The following PITPNM2 variants were observed in gnomAD, a reference collection of about 807,000 sequenced individuals.
The protein encoded by PITPNM2 is phosphatidylinositol transfer protein membrane associated 2.
In PITPNM2, 35 loss-of-function variants were observed where a neutral mutation model predicts 132.2. The ratio of observed to expected loss-of-function variants is 0.26; its 90% CI spans 0.20 to 0.35. The LOEUF is 0.35. Among genes scored for constraint, PITPNM2 ranks in the 10% least tolerant of loss-of-function variants. PITPNM2 has a pLI of 1.00. For synonymous variants in PITPNM2, 738 were observed against 799.2 expected, an observed-to-expected ratio of 0.92 and a Z score of 1.29; for missense variants, 1,332 against 1,912.0, an observed-to-expected ratio of 0.70 and a Z score of 5.66.
chr12:123,015,302 CA>C (rs1389789488), intron 3 of PITPNM2, among the ~76,000 whole-genome samples: 1 of 152,108 alleles, frequency 6.6e-6, no homozygotes, highest in Non-Finnish European at 1.5e-5. Context: ...TACAAAACTA[CA>C]GTAATCAAAA....
chr12:123,044,478 C>A (rs1013435841), intron 2 of PITPNM2, among the ~76,000 whole-genome samples: 1 of 152,250 alleles, frequency 6.6e-6, no homozygotes, highest in African/African-American at 2.4e-5. Flanking sequence ...TCAGCTCAAT[C>A]AATTCTCCAG....
Position 122,990,661 on chromosome 12 carries a change from G to T in PITPNM2, c.2453C>A (p.Pro818His). Residue 818 changes from proline (P) to histidine (H), a missense_variant, in exon 17 of 26, where the codon CCC (proline) becomes CAC (histidine). By Grantham distance (77) the Pro-to-His change is moderately conservative (BLOSUM62 -2). Coordinates refer to ENST00000320201, the MANE Select transcript of PITPNM2 (RefSeq NM_020845.3). ...GGCAGGGGCAGTGCCCGGCGAGGAGGGGGCGCCATGCTCTTGGAAGGCTGC... is the reference window on the plus strand; with the variant it reads ...GGCAGGGGCAGTGCCCGGCGAGGAGTGGGCGCCATGCTCTTGGAAGGCTGC... Reference protein sequence around the residue: ...HNAAFQEHGAPSSPGTAPASR... With the variant: ...HNAAFQEHGAHSSPGTAPASR... The T allele has an allele frequency of 6.2e-7, 1 of 1,611,862 alleles. No individual in the cohort carries two copies.
rs1180618419 is a variant in PITPNM2 at position 123,022,227 on chromosome 12, T to C, written c.79-8185A>G. 2.6e-5 allele frequency among the ~76,000 whole-genome samples: 4 copies of C among 152,190 alleles called. No individual in the cohort carries two copies. Among genetic ancestry groups the C allele is most frequent in the Non-Finnish European group, 5.9e-5 (4 of 68,030 alleles). On this transcript the variant is annotated intron_variant, in intron 3 of 25. Coordinates refer to ENST00000320201, the MANE Select transcript of PITPNM2 (RefSeq NM_020845.3). This position sits in a 1 kb window ranked among gnomAD's most constrained non-coding sequence, Gnocchi z 4.9. ...TTTCTGGTCCTGGATCAGCCATTGATGTCAGCACTTGGGCTAAAAGGACAG... is the reference window on the plus strand; with the variant it reads ...TTTCTGGTCCTGGATCAGCCATTGACGTCAGCACTTGGGCTAAAAGGACAG...
Position 123,004,859 on chromosome 12 carries a change from G to A in PITPNM2, c.953-370C>T, listed in dbSNP as rs1374019140. ...AGCAGGGCCCAGGCGGGAGATGAGT[G>A]AGCCAGGCCTGCCTGCTGGAGAAGC... is the stretch of plus-strand genomic sequence containing the variant. On this transcript the variant is annotated intron_variant, in intron 7 of 25. Coordinates refer to ENST00000320201, the MANE Select transcript of PITPNM2 (RefSeq NM_020845.3). This position sits in a 1 kb window ranked among gnomAD's most constrained non-coding sequence, Gnocchi z 4.9. 6.6e-6 allele frequency among the ~76,000 whole-genome samples: 1 copy of A among 151,980 alleles called. No individual in the cohort carries two copies. Among genetic ancestry groups the A allele is most frequent in the Non-Finnish European group, 1.5e-5 (1 of 67,958 alleles).
Position 123,000,292 on chromosome 12 carries a change from G to A in PITPNM2, c.1224+486C>T, listed in dbSNP as rs2038602541. 4.7e-6 allele frequency: 3 copies of A among 644,586 alleles called. No individual in the cohort carries two copies. The highest frequency in any genetic ancestry group is 8.4e-6 in the Non-Finnish European group (3 of 357,304). 39.9% of individuals were successfully genotyped at this position (644,586 alleles called of 1,614,324 possible). ...AACTCCCACAGAGAACCCCCGAAGC[G>A]GATACAGGCGCTCTACCAAGACAGT... On this transcript the variant is annotated intron_variant, in intron 10 of 25. Transcript: ENST00000320201. This position sits in a 1 kb window ranked among gnomAD's most constrained non-coding sequence, Gnocchi z 5.4.
At chr12:123,139,500 C>CA (rs549346988) in intron 1 of PITPNM2, among the ~76,000 whole-genome samples, 2,773 of 102,448 alleles carry the variant, frequency 0.027, 35 homozygotes, top group Non-Finnish European at 0.032. Context: ...GATTACCTCT[C>CA]AAAAAAAAAA....
chr12:122,995,708 C>T (rs1221396982), intron 13 of PITPNM2, 48 bp from the exon 14 acceptor site: 1 of 1,523,250 alleles, frequency 6.6e-7, no homozygotes, highest in Non-Finnish European at 8.8e-7. Context: ...GCTGGCCTGA[C>T]CCCTTCTCCA....
chr12:123,029,256 TG>T (rs1247546230), intron 3 of PITPNM2, among the ~76,000 whole-genome samples: 2 of 152,116 alleles, frequency 1.3e-5, no homozygotes, highest in African/African-American at 2.4e-5. Flanking sequence ...ATATGTAAAA[TG>T]GGAAACTATG....
chr12:122,996,619 C>A, intron 12 of PITPNM2, 42 bp from the exon 13 acceptor site: 1 of 1,612,520 alleles, frequency 6.2e-7, no homozygotes, highest in Non-Finnish European at 8.5e-7. Flanking sequence ...TTCACCCGCT[C>A]GCTGGACTAT....
rs1167064531 is a variant in PITPNM2, at chr12:122,995,547, GCCACCACTACTGCCACCA to G, written c.1878_1895del (p.Gly627_Gly632del). 18 of 1,609,882 alleles carry G rather than the reference GCCACCACTACTGCCACCA, an allele frequency of 1.1e-5. No individual in the cohort carries two copies. The highest frequency in any genetic ancestry group is 1.4e-5 in the Non-Finnish European group (17 of 1,179,868). On this transcript the variant is annotated inframe_deletion, in exon 14 of 26. Transcript: ENST00000320201. ...GGTGCCGACTGCTCTCCAGGCTGGA[GCCACCACTACTGCCACCA>G]CCACCACTGCTGCCACCACCGCCAC...
chr12:123,009,512 C>A lies in PITPNM2; in HGVS notation c.643+338G>T, dbSNP rs2039088705. On this transcript the variant is annotated intron_variant, in intron 6 of 25. Coordinates refer to ENST00000320201, the MANE Select transcript of PITPNM2 (RefSeq NM_020845.3). The surrounding 1 kb of genome is among the most constrained non-coding windows in gnomAD (Gnocchi z 4.8). ...CCCAGATGAGCAGCAGGGAACCTGT[C>A]CCCAGGGGCTACTCAGACCTGTGGA... Among the ~76,000 whole-genome samples, 1 of 152,056 alleles carries A rather than the reference C, an allele frequency of 6.6e-6. No individual in the cohort carries two copies. Among genetic ancestry groups the A allele is most frequent in the Admixed American group, 6.5e-5 (1 of 15,278 alleles).
chr12:123,116,500 A>C (rs1566300067), intron 1 of PITPNM2, among the ~76,000 whole-genome samples: 2 of 151,960 alleles, frequency 1.3e-5, no homozygotes, highest in Non-Finnish European at 2.9e-5. Flanking sequence ...AAATACAAAA[A>C]TTAGCCAGGA....
At position 122,985,714 on chromosome 12, in the gene PITPNM2, C is replaced by G. The variant is rs1015088466; in HGVS notation, c.*313G>C. 3.5e-6 allele frequency: 1 copy of G among 289,778 alleles called. No individual in the cohort carries two copies. The highest frequency in any genetic ancestry group is 6.3e-6 in the Non-Finnish European group (1 of 158,352). The allele number at this position is 289,778 out of a possible 1,614,324, so 18.0% of individuals were successfully genotyped here. A position where few individuals can be genotyped will look rare whatever the true frequency, so the allele number is the denominator to read the frequency against. ...GCTGCGCCTGGGCCCACACCTGGCA[C>G]CAGGACACTTGGAGATCCACACAGG... On this transcript the variant is annotated 3_prime_UTR_variant, in exon 26 of 26. Coordinates refer to ENST00000320201, the MANE Select transcript of PITPNM2 (RefSeq NM_020845.3).
At chr12:123,136,336 G>GA (rs974148074) in intron 1 of PITPNM2, among the ~76,000 whole-genome samples, 4 of 151,780 alleles carry the variant, frequency 2.6e-5, no homozygotes, top group Non-Finnish European at 5.9e-5. Context: ...ATCAAAACCA[G>GA]AAAAAATAAC....
chr12:123,071,685 C>T (rs188068917), intron 2 of PITPNM2, among the ~76,000 whole-genome samples: 19 of 152,374 alleles, frequency 1.2e-4, no homozygotes, highest in South Asian at 2.1e-4. Context: ...GACGATCATC[C>T]GCTTCACACG....
chr12:122,988,971 C>A (rs1469508977), intron 18 of PITPNM2, 99 bp from the exon 19 acceptor site: 6 of 1,293,708 alleles, frequency 4.6e-6, no homozygotes, highest in Middle Eastern at 2.6e-4. Flanking sequence ...CCAGCACAGT[C>A]CCCCCACCAG....
In PITPNM2 at chr12:123,095,230, G is replaced by T. The variant is rs2042376176; in HGVS notation, c.-96+15155C>A. 6.6e-6 allele frequency among the ~76,000 whole-genome samples: 1 copy of T among 152,158 alleles called. No individual in the cohort carries two copies. Among genetic ancestry groups the T allele is most frequent in the Non-Finnish European group, 1.5e-5 (1 of 68,038 alleles). ...TGGGGAGTCGGTTATCTCTGCTCCA[G>T]ACCCTGGCTTTTGGCAGTAGCCAAG... is the stretch of plus-strand genomic sequence containing the variant. On this transcript the variant is annotated intron_variant, in intron 2 of 25. Coordinates refer to ENST00000320201, the MANE Select transcript of PITPNM2 (RefSeq NM_020845.3). The surrounding 1 kb of genome is among the most constrained non-coding windows in gnomAD (Gnocchi z 5.0).
chr12:123,137,814 AC>A (rs2043414203), intron 1 of PITPNM2, among the ~76,000 whole-genome samples: 1 of 148,350 alleles, frequency 6.7e-6, no homozygotes, highest in Admixed American at 6.8e-5. Context: ...AATCACTTGA[AC>A]CCGGGAGATG....
intron 3 of PITPNM2, among the ~76,000 whole-genome samples, chr12:123,027,392 C>T (rs1337132260): frequency 6.6e-6 from 1 of 152,198 alleles, no homozygotes; most frequent in African/African-American, 2.4e-5. Flanking sequence ...ACAGCTGGAA[C>T]TTCAGAGAAG....
Sources: gnomAD v4.1 joint callset for allele counts (sites outside exome capture counted in the v4.1 genomes callset) on GRCh38, gnomAD v4.1.1 for gene constraint, Gnocchi (gnomAD v3.1) non-coding constraint, MANE v1.5 for transcripts, NCBI Gene and HGNC (gene_info 2026-07-23, HGNC 2026-07-21) for gene names.